DPP10: variants seen among roughly 807,000 people sequenced by gnomAD.
The protein encoded by DPP10 is dipeptidyl peptidase like 10.
In DPP10, 33 loss-of-function variants were observed where a neutral mutation model predicts 120.9. The observed-to-expected ratio is 0.27, with a 90% confidence interval of 0.21 to 0.37. DPP10 has a LOEUF of 0.37. Ranked by LOEUF, DPP10 falls within the 10% of genes least tolerant of loss-of-function variation. The pLI is 1.00. For missense variants in DPP10, 816 were observed against 942.8 expected, an observed-to-expected ratio of 0.87 and a Z score of 1.76; for synonymous variants, 337 against 326.1, an observed-to-expected ratio of 1.03 and a Z score of -0.36.
At chr2:114,705,337 G>A (rs992887312) in intron 1 of DPP10, among the ~76,000 whole-genome samples, 5 of 151,908 alleles carry the variant, frequency 3.3e-5, no homozygotes, top group Non-Finnish European at 7.4e-5. Flanking sequence ...TCACTTTTGG[G>A]GGAGGATGTT....
At chr2:115,331,629 T>G (rs1293422783) in intron 2 of DPP10, among the ~76,000 whole-genome samples, 2 of 152,224 alleles carry the variant, frequency 1.3e-5, no homozygotes, top group African/African-American at 4.8e-5. Context: ...GTTTTTAGCC[T>G]GAAGTGCTGT....
At chr2:114,491,817 T>C (rs1195204938) in intron 1 of DPP10, among the ~76,000 whole-genome samples, 1 of 152,204 alleles carries the variant, frequency 6.6e-6, no homozygotes, top group Admixed American at 6.5e-5. Flanking sequence ...TTAAAGAACA[T>C]TCTTAGACAA....
At chr2:114,791,083 T>C (rs1236067054) in intron 1 of DPP10, among the ~76,000 whole-genome samples, 2 of 152,198 alleles carry the variant, frequency 1.3e-5, no homozygotes, top group Admixed American at 6.5e-5. Context: ...TAAAATATAG[T>C]AGCCAATTCC....
chr2:115,796,990 A>C (rs547747670), intron 19 of DPP10, among the ~76,000 whole-genome samples: 2 of 152,248 alleles, frequency 1.3e-5, no homozygotes, highest in South Asian at 4.1e-4. Flanking sequence ...CCACCGTATT[A>C]TGATAATTAT....
At chr2:114,514,958 GA>G (rs1327430848) in intron 1 of DPP10, among the ~76,000 whole-genome samples, 1 of 152,086 alleles carries the variant, frequency 6.6e-6, no homozygotes, top group African/African-American at 2.4e-5. Context: ...TGTTAGTAAG[GA>G]AAAGCAAGTT....
intron 1 of DPP10, among the ~76,000 whole-genome samples, chr2:114,795,528 G>T (rs1341211767): frequency 4.6e-5 from 7 of 151,548 alleles, no homozygotes. Context: ...CTCTCAATGT[G>T]CTGAGTCTTT....
chr2:114,691,296 G>A (rs1699730083), intron 1 of DPP10, among the ~76,000 whole-genome samples: 1 of 152,008 alleles, frequency 6.6e-6, no homozygotes, highest in South Asian at 2.1e-4. Flanking sequence ...TTTTATTGAA[G>A]GCTTTTTCTG....
chr2:115,471,859 A>C (rs923966633), intron 3 of DPP10, among the ~76,000 whole-genome samples: 3 of 151,896 alleles, frequency 2.0e-5, no homozygotes, highest in South Asian at 2.1e-4. Flanking sequence ...GGCTCGAGTG[A>C]TCAACTGCCT....
At chr2:115,191,651 G>A (rs1050788651) in intron 1 of DPP10, among the ~76,000 whole-genome samples, 6 of 152,250 alleles carry the variant, frequency 3.9e-5, no homozygotes, top group South Asian at 4.2e-4. Flanking sequence ...AGGGGGCGGC[G>A]CTTTCTTGAC....
chr2:114,516,970 C>CT (rs1361695507), intron 1 of DPP10, among the ~76,000 whole-genome samples: 1 of 152,132 alleles, frequency 6.6e-6, no homozygotes, highest in Non-Finnish European at 1.5e-5. Flanking sequence ...GTTATAGCAA[C>CT]TTTGGTGGAT....
At chr2:114,783,447 T>C (rs1054760187) in intron 1 of DPP10, among the ~76,000 whole-genome samples, 13 of 152,114 alleles carry the variant, frequency 8.5e-5, no homozygotes, top group Non-Finnish European at 1.6e-4. Context: ...GTTAAAACAA[T>C]TTACCTGTTC....
At chr2:114,891,054 TA>T (rs1692500959) in intron 1 of DPP10, among the ~76,000 whole-genome samples, 1 of 152,046 alleles carries the variant, frequency 6.6e-6, no homozygotes, top group African/African-American at 2.4e-5. Flanking sequence ...TGCTACTATT[TA>T]AAATGAAAAC....
chr2:114,474,216 A>G (rs1680185133), intron 1 of DPP10, among the ~76,000 whole-genome samples: 1 of 152,212 alleles, frequency 6.6e-6, no homozygotes, highest in Non-Finnish European at 1.5e-5. Flanking sequence ...TTGGCCTCCC[A>G]AAGTGCTGGG....
chr2:115,227,743 A>T (rs1218007262), intron 1 of DPP10, among the ~76,000 whole-genome samples: 1 of 152,104 alleles, frequency 6.6e-6, no homozygotes, highest in Non-Finnish European at 1.5e-5. Flanking sequence ...TGTGTGTATC[A>T]GTCTCTGTTT....
At chr2:114,666,394 A>G (rs1030786509) in intron 1 of DPP10, among the ~76,000 whole-genome samples, 1 of 152,210 alleles carries the variant, frequency 6.6e-6, no homozygotes, top group African/African-American at 2.4e-5. Flanking sequence ...AAAGGGATGA[A>G]AATGTAGTAT....
At chr2:115,557,283 C>G (rs1296871077) in intron 5 of DPP10, among the ~76,000 whole-genome samples, 1 of 151,928 alleles carries the variant, frequency 6.6e-6, no homozygotes, top group African/African-American at 2.4e-5. Context: ...CTTCTAAGGG[C>G]TAACAAATTT....
intron 5 of DPP10, among the ~76,000 whole-genome samples, chr2:115,534,603 C>T (rs377449839): frequency 0.012 from 1,789 of 151,958 alleles, 33 homozygotes; most frequent in African/African-American, 0.041. Context: ...CAGCATGATT[C>T]ATAGTCCTTT....
chr2:115,235,809 C>T (rs1387925812), intron 1 of DPP10, among the ~76,000 whole-genome samples: 1 of 152,154 alleles, frequency 6.6e-6, no homozygotes, highest in African/African-American at 2.4e-5. Context: ...GATCCACCCA[C>T]CTTGGCCTCC....
intron 1 of DPP10, among the ~76,000 whole-genome samples, chr2:114,902,497 CAAGTT>C (rs1247919887): frequency 6.6e-6 from 1 of 152,142 alleles, no homozygotes; most frequent in African/African-American, 2.4e-5. Context: ...GCCTTGATGT[CAAGTT>C]AAGAAACTCC....
Sources: gnomAD v4.1 joint callset for allele counts (sites outside exome capture counted in the v4.1 genomes callset) on GRCh38, gnomAD v4.1.1 for gene constraint, MANE v1.5 for transcripts, NCBI Gene and HGNC (gene_info 2026-07-23, HGNC 2026-07-21) for gene names.